ZDHHC7: variants seen among roughly 807,000 people sequenced by gnomAD.
ZDHHC7 encodes palmitoyltransferase ZDHHC7.
Under a neutral mutation model 34.1 loss-of-function variants are expected in ZDHHC7, and 12 were observed. That is an observed-to-expected ratio of 0.35 (90% confidence interval 0.23 to 0.57). ZDHHC7 has a LOEUF of 0.57. Among genes scored for constraint, ZDHHC7 ranks in the 20% least tolerant of loss-of-function variants. The probability of loss-of-function intolerance (pLI) is 0.84; values close to 1 mark genes in which losing one functional copy is unlikely to be tolerated. For synonymous variants in ZDHHC7, 185 were observed against 155.4 expected, an observed-to-expected ratio of 1.19 and a Z score of -1.42; for missense variants, 388 against 402.7, an observed-to-expected ratio of 0.96 and a Z score of 0.31.
intron 7 of ZDHHC7, 122 bp from the exon 8 acceptor site, chr16:84,976,641 T>C: frequency 7.5e-7 from 1 of 1,339,324 alleles, no homozygotes; most frequent in Non-Finnish European, 1.0e-6. Context: ...GTGAGTGAAC[T>C]CTCCTTCCCA....
Position 84,976,474 on chromosome 16 carries a change from G to A in ZDHHC7, c.796C>T (p.Leu266=). 1 of 1,614,046 alleles carries A rather than the reference G, an allele frequency of 6.2e-7. No individual in the cohort carries two copies. Among genetic ancestry groups the A allele is most frequent in the Non-Finnish European group, 8.5e-7 (1 of 1,180,000 alleles). The change falls in exon 8 of 8, where the codon CTG becomes TTG. Residue 266 remains leucine, a synonymous_variant. Coordinates refer to ENST00000313732, the MANE Select transcript of ZDHHC7 (RefSeq NM_017740.3). ...KSEKPTWERR[L]RWEGMKSVFG... ...ACGGACTTCATCCCTTCCCATCGCAGCCTCCGCTCCCATGTGGGCTTCTCA... is the reference window on the plus strand; with the variant it reads ...ACGGACTTCATCCCTTCCCATCGCAACCTCCGCTCCCATGTGGGCTTCTCA...
Position 84,980,667 on chromosome 16 carries a change from C to T in ZDHHC7, c.440+1203G>A, listed in dbSNP as rs113116358. Among the ~76,000 whole-genome samples, 767 of 151,240 alleles carry T rather than the reference C, an allele frequency of 5.1e-3. 7 individuals are homozygous for T. The highest frequency in any genetic ancestry group is 0.018 in the African/African-American group (736 of 40,658). ...CCTGGGCGACAGAGCAAGACTCCAT[C>T]CCCCCATCCCCAAAAAATTTATATA... On this transcript the variant is annotated intron_variant, in intron 4 of 7. Coordinates refer to ENST00000313732, the MANE Select transcript of ZDHHC7 (RefSeq NM_017740.3).
intron 3 of ZDHHC7, among the ~76,000 whole-genome samples, chr16:84,987,855 C>T (rs971235024): frequency 7.2e-5 from 11 of 152,196 alleles, no homozygotes; most frequent in East Asian, 1.9e-4. Context: ...AGGCCACAGA[C>T]GAGATGACTA....
chr16:84,980,167 G>A (rs1333901014), intron 4 of ZDHHC7, among the ~76,000 whole-genome samples: 4 of 150,674 alleles, frequency 2.7e-5, no homozygotes, highest in African/African-American at 4.9e-5. Flanking sequence ...GGGTTTCATC[G>A]TGTTAGCTAG....
upstream of ZDHHC7, among the ~76,000 whole-genome samples, chr16:85,012,380 CAA>C (rs34555910): frequency 6.0e-5 from 7 of 116,588 alleles, no homozygotes; most frequent in Non-Finnish European, 3.7e-5. Context: ...TGAACAGTCT[CAA>C]AAAAAAAAAA....
the ZDHHC7 span, among the ~76,000 whole-genome samples, chr16:85,019,823 AC>A: frequency 2.6e-5 from 4 of 152,194 alleles, no homozygotes; most frequent in Non-Finnish European, 5.9e-5. Context: ...GACAAACAGG[AC>A]CAGAGAGGTT....
chr16:85,020,351 T>C, the ZDHHC7 span, among the ~76,000 whole-genome samples: 2 of 152,216 alleles, frequency 1.3e-5, no homozygotes, highest in Non-Finnish European at 2.9e-5. Context: ...TGCAGACACA[T>C]GAGTGAGCAA....
chr16:85,004,025 T>C (rs1597561790), intron 1 of ZDHHC7, among the ~76,000 whole-genome samples: 1 of 151,900 alleles, frequency 6.6e-6, no homozygotes, highest in South Asian at 2.1e-4. Flanking sequence ...TTTCACGAAG[T>C]TTAAACAAAA....
In ZDHHC7 at chr16:84,990,508, G is replaced by T; in HGVS notation, c.111C>A (p.Asp37Glu). ...AGCCGTCACGGATGAACCAGACCCGGTCAGCCACGTCAGCCTCGGAGGAGG... is the reference window on the plus strand; with the variant it reads ...AGCCGTCACGGATGAACCAGACCCGTTCAGCCACGTCAGCCTCGGAGGAGG... ...SSSSSEADVADRVWFIRDGCG... is the reference protein window; with the variant it reads ...SSSSSEADVAERVWFIRDGCG... Residue 37 changes from aspartate to glutamate, a missense_variant, in exon 3 of 8, where the codon GAC (aspartate) becomes GAA (glutamate). Coordinates refer to ENST00000313732, the MANE Select transcript of ZDHHC7 (RefSeq NM_017740.3). 1.2e-6 allele frequency: 2 copies of T among 1,614,182 alleles called. No homozygotes were observed. The highest frequency in any genetic ancestry group is 1.7e-6 in the Non-Finnish European group (2 of 1,180,040).
At chr16:85,012,921 G>GA (rs1205477272), upstream of ZDHHC7, among the ~76,000 whole-genome samples, 1 of 151,802 alleles carries the variant, frequency 6.6e-6, no homozygotes, top group African/African-American at 2.4e-5. Context: ...AAAAGAAAAA[G>GA]AAAAAACCAG....
At chr16:84,984,422 A>G (rs1225030478) in intron 3 of ZDHHC7, among the ~76,000 whole-genome samples, 1 of 152,182 alleles carries the variant, frequency 6.6e-6, no homozygotes, top group East Asian at 1.9e-4. Flanking sequence ...GTGACAGTCG[A>G]GTGTTACACA....
intron 2 of ZDHHC7, among the ~76,000 whole-genome samples, chr16:84,991,603 T>C (rs2072510773): frequency 6.6e-6 from 1 of 151,544 alleles, no homozygotes; most frequent in Admixed American, 6.6e-5. Context: ...TTTAATCTTT[T>C]AAAAGTTTCC....
the ZDHHC7 span, among the ~76,000 whole-genome samples, chr16:85,025,423 G>A: frequency 1.3e-4 from 7 of 53,420 alleles, no homozygotes; most frequent in African/African-American, 4.3e-4. Context: ...CCTTTTTTGG[G>A]GGGGGGGACT....
At chr16:84,980,670 C>T (rs1382088704) in intron 4 of ZDHHC7, among the ~76,000 whole-genome samples, 2 of 152,048 alleles carry the variant, frequency 1.3e-5, no homozygotes, top group Admixed American at 6.5e-5. Flanking sequence ...ACTCCATCCC[C>T]CCATCCCCAA....
the ZDHHC7 span, among the ~76,000 whole-genome samples, chr16:85,023,785 A>AT: frequency 6.6e-6 from 1 of 151,712 alleles, no homozygotes; most frequent in Non-Finnish European, 1.5e-5. Flanking sequence ...TGCCCAGCTA[A>AT]TTTTTTGTAT....
rs1032453500 is a variant in ZDHHC7 at position 84,974,557 on chromosome 16, A to T, written c.*1786T>A. 6.5e-6 allele frequency: 1 copy of T among 152,700 alleles called. No homozygotes were observed. The highest frequency in any genetic ancestry group is 1.5e-5 in the Non-Finnish European group (1 of 68,052). The allele number at this position is 152,700 out of a possible 1,614,324, so 9.5% of individuals were successfully genotyped here. Reference sequence around the variant, plus strand: ...ATACTTGATTTGCACACACTTGCCAAGTCTCACAGGATTCAACCACTTGGA... The same window carrying T: ...ATACTTGATTTGCACACACTTGCCATGTCTCACAGGATTCAACCACTTGGA... On this transcript the variant is annotated 3_prime_UTR_variant, in exon 8 of 8. Transcript: ENST00000313732.
chr16:84,990,393 A>C lies in ZDHHC7; in HGVS notation c.226T>G (p.Phe76Val). The C allele has an allele frequency of 1.2e-6, 2 of 1,614,154 alleles. No homozygotes were observed. Among genetic ancestry groups the C allele is most frequent in the Non-Finnish European group, 8.5e-7 (1 of 1,180,022 alleles). Residue 76 changes from phenylalanine to valine, a missense_variant, in exon 3 of 8, where the codon TTC (phenylalanine) becomes GTC (valine). Coordinates refer to ENST00000313732, the MANE Select transcript of ZDHHC7 (RefSeq NM_017740.3). ...TFVMLLPSKD[F>V]WYSVVNGVIF... ...ACCCCGTTGACCACAGAGTACCAGA[A>C]GTCTTTGGAAGGCAGCAGCATGACG...
chr16:85,025,699 C>T, the ZDHHC7 span, among the ~76,000 whole-genome samples: 32 of 152,300 alleles, frequency 2.1e-4, no homozygotes, highest in Admixed American at 1.6e-3. Flanking sequence ...TCAGCCACCG[C>T]GCCCGGCCCC....
At chr16:85,024,302 G>A in the ZDHHC7 span, among the ~76,000 whole-genome samples, 1 of 149,954 alleles carries the variant, frequency 6.7e-6, no homozygotes, top group Non-Finnish European at 1.5e-5. Context: ...CACGATCTCG[G>A]CTCACTGCAA....
Sources: gnomAD v4.1 joint callset for allele counts (sites outside exome capture counted in the v4.1 genomes callset) on GRCh38, gnomAD v4.1.1 for gene constraint, MANE v1.5 for transcripts, NCBI Gene and HGNC (gene_info 2026-07-23, HGNC 2026-07-21) for gene names.